MBD5: variants seen among roughly 807,000 people sequenced by gnomAD.
MBD5 encodes the protein methyl-CpG-binding domain protein 5.
A neutral mutation model predicts 117.3 loss-of-function variants in MBD5; 13 were observed. That is an observed-to-expected ratio of 0.11 (90% confidence interval 0.07 to 0.18). MBD5 has a LOEUF of 0.18. Ranked by LOEUF, MBD5 falls within the 10% of genes least tolerant of loss-of-function variation. The pLI is 1.00. For synonymous variants in MBD5, 727 were observed against 766.4 expected (o/e 0.95, Z 0.85); for missense variants, 1,879 against 2,093.8 (o/e 0.90, Z 2.00).
chr2:148,263,370 G>T (rs1700777983), intron 3 of MBD5, among the ~76,000 whole-genome samples: 1 of 152,142 alleles, frequency 6.6e-6, no homozygotes, highest in Non-Finnish European at 1.5e-5. Flanking sequence ...GAGAGAGGGA[G>T]GGAGACGAAG....
intron 1 of MBD5, among the ~76,000 whole-genome samples, chr2:148,048,186 T>C (rs1241259577): frequency 6.6e-6 from 1 of 152,170 alleles, no homozygotes; most frequent in African/African-American, 2.4e-5. Context: ...CTCCTTCTCA[T>C]GGTTTTTGGA....
intron 1 of MBD5, among the ~76,000 whole-genome samples, chr2:148,074,480 GTTTGT>G (rs1695440392): frequency 8.1e-6 from 1 of 123,478 alleles, no homozygotes; most frequent in Non-Finnish European, 1.7e-5. Flanking sequence ...CAAAGGAATA[GTTTGT>G]TTTTTTTTTG....
intron 1 of MBD5, among the ~76,000 whole-genome samples, chr2:148,057,799 C>T (rs973946244): frequency 6.6e-6 from 1 of 151,840 alleles, no homozygotes; most frequent in Non-Finnish European, 1.5e-5. Context: ...GCATGAAGAG[C>T]ATGTCCACAA....
intron 1 of MBD5, among the ~76,000 whole-genome samples, chr2:148,087,074 G>A (rs13426527): frequency 0.019 from 2,900 of 152,170 alleles, 92 homozygotes; most frequent in African/African-American, 0.066. Context: ...GCTCCCACTC[G>A]GATGAATAGA....
In MBD5 at chr2:148,490,456, G is replaced by T; in HGVS notation, c.4824G>T (p.Leu1608Phe). 5 of 1,614,194 alleles carry T rather than the reference G, an allele frequency of 3.1e-6. No homozygotes were observed. Among genetic ancestry groups the T allele is most frequent in the Non-Finnish European group, 4.2e-6 (5 of 1,180,032 alleles). ...RNPDSPSSNE[L>F]IHYRPRTFNV... The stretch of plus-strand genomic sequence containing the variant: ...CAGACTCCCCCTCTTCAAATGAATT[G>T]ATACATTATAGACCAAGGACGTTCA... The change falls in exon 11 of 14, where the codon TTG (leucine) becomes TTT (phenylalanine). Residue 1608 changes from leucine to phenylalanine, a missense_variant. Transcript: ENST00000642680.
At chr2:148,220,304 A>C (rs1699655000) in intron 2 of MBD5, among the ~76,000 whole-genome samples, 1 of 152,160 alleles carries the variant, frequency 6.6e-6, no homozygotes, top group African/African-American at 2.4e-5. Flanking sequence ...AAATAACACA[A>C]AGCTAATCCT....
intron 4 of MBD5, among the ~76,000 whole-genome samples, chr2:148,387,913 G>A (rs1704427783): frequency 1.3e-5 from 2 of 152,112 alleles, no homozygotes; most frequent in Non-Finnish European, 2.9e-5. Context: ...CAAGATGTCA[G>A]TTCTCTCCAA....
chr2:148,345,682 T>A (rs1212421513), intron 4 of MBD5, among the ~76,000 whole-genome samples: 3 of 148,350 alleles, frequency 2.0e-5, no homozygotes, highest in Non-Finnish European at 4.5e-5. Flanking sequence ...TATAAATGTA[T>A]GTGTGTGTAT....
intron 2 of MBD5, among the ~76,000 whole-genome samples, chr2:148,226,513 T>C (rs1199529018): frequency 2.6e-5 from 4 of 152,250 alleles, no homozygotes; most frequent in Non-Finnish European, 5.9e-5. Flanking sequence ...AGTCTACCAT[T>C]GTTGGACATT....
chr2:148,471,075 A>T (rs1301624590), intron 8 of MBD5: 1 of 152,086 alleles, frequency 6.6e-6, no homozygotes, highest in Non-Finnish European at 1.5e-5. Context: ...AAAAAAGCTA[A>T]TAATTTAAGC....
chr2:148,427,003 G>A (rs975236058), intron 4 of MBD5, among the ~76,000 whole-genome samples: 16 of 151,944 alleles, frequency 1.1e-4, no homozygotes, highest in Admixed American at 8.5e-4. Flanking sequence ...ATATGAACAG[G>A]CACTTCTCAA....
At chr2:148,318,562 G>A (rs369895141) in intron 3 of MBD5, among the ~76,000 whole-genome samples, 6 of 151,722 alleles carry the variant, frequency 4.0e-5, no homozygotes, top group East Asian at 3.9e-4. Flanking sequence ...AGATTTCCTC[G>A]GTTTTCTTCT....
intron 3 of MBD5, among the ~76,000 whole-genome samples, chr2:148,242,268 G>A (rs189116533): frequency 6.6e-6 from 1 of 151,802 alleles, no homozygotes; most frequent in African/African-American, 2.4e-5. Context: ...TACTATATGG[G>A]ATGAATCACT....
chr2:148,226,429 A>G (rs1447068007), intron 2 of MBD5, among the ~76,000 whole-genome samples: 1 of 152,170 alleles, frequency 6.6e-6, no homozygotes, highest in African/African-American at 2.4e-5. Context: ...ATGTCCCTAC[A>G]AAGGACATAA....
At chr2:148,146,147 G>A (rs1697457229) in intron 1 of MBD5, among the ~76,000 whole-genome samples, 1 of 152,144 alleles carries the variant, frequency 6.6e-6, no homozygotes, top group African/African-American at 2.4e-5. Context: ...TTTTGGTTAT[G>A]TAATTTATTG....
chr2:148,497,211 A>C (rs1428273430), intron 11 of MBD5, among the ~76,000 whole-genome samples: 1 of 151,952 alleles, frequency 6.6e-6, no homozygotes, highest in African/African-American at 2.4e-5. Flanking sequence ...TTTTTCTTTA[A>C]ATTTATCACT....
intron 4 of MBD5, among the ~76,000 whole-genome samples, chr2:148,406,643 CCT>C (rs1705086098): frequency 6.6e-6 from 1 of 152,252 alleles, no homozygotes; most frequent in Middle Eastern, 3.4e-3. Context: ...TCCCTCCTCA[CCT>C]ATTTTTCCAA....
chr2:148,238,106 TAAA>T (rs1209200170), intron 3 of MBD5, among the ~76,000 whole-genome samples: 1 of 152,200 alleles, frequency 6.6e-6, no homozygotes, highest in East Asian at 1.9e-4. Flanking sequence ...GCTCAATTCT[TAAA>T]AAAGAACAAT....
At chr2:148,082,297 T>C (rs1695666314) in intron 1 of MBD5, among the ~76,000 whole-genome samples, 1 of 152,180 alleles carries the variant, frequency 6.6e-6, no homozygotes, top group Admixed American at 6.5e-5. Flanking sequence ...CAGTGTCTTC[T>C]GTGGTGTCTT....
Sources: gnomAD v4.1 joint callset for allele counts (sites outside exome capture counted in the v4.1 genomes callset) on GRCh38, gnomAD v4.1.1 for gene constraint, MANE v1.5 for transcripts, NCBI Gene and HGNC (gene_info 2026-07-23, HGNC 2026-07-21) for gene names.